Variants in SFI1 observed in about 807,000 individuals in gnomAD.
SFI1 encodes the protein protein SFI1 homolog.
A neutral mutation model predicts 207.5 loss-of-function variants in SFI1; 195 were observed. The observed-to-expected ratio is 0.94, with a 90% CI of 0.84 to 1.06. The LOEUF is 1.06. SFI1 is among the 50% of genes least tolerant of loss of function. SFI1 has a pLI of 0.00. For synonymous variants in SFI1, 630 were observed against 598.9 expected (o/e 1.05, Z -0.76); for missense variants, 1,634 against 1,588.0 (o/e 1.03, Z -0.49).
At chr22:31,598,529 C>A (rs575827606) in intron 15 of SFI1, among the ~76,000 whole-genome samples, 2 of 151,642 alleles carry the variant, frequency 1.3e-5, no homozygotes, top group South Asian at 4.2e-4. Context: ...ATGCCATTCT[C>A]CTGCCTCAGC....
chr22:31,611,436 G>C, intron 23 of SFI1, 133 bp downstream of exon 23: 1 of 1,203,718 alleles, frequency 8.3e-7, no homozygotes. Context: ...GGGTGGTTTG[G>C]GGTCCTGTAA....
At chr22:31,539,689 T>G (rs1297015484) in intron 4 of SFI1, among the ~76,000 whole-genome samples, 1 of 152,106 alleles carries the variant, frequency 6.6e-6, no homozygotes, top group Non-Finnish European at 1.5e-5. Flanking sequence ...CTGTTTATAT[T>G]TAAGAGCAGG....
rs182139730 is a variant in SFI1, at chr22:31,513,488, C to T, written c.92+5112C>T. On this transcript the variant is annotated intron_variant, in intron 2 of 32. Coordinates refer to ENST00000400288, the MANE Select transcript of SFI1 (RefSeq NM_001007467.3). ...GTGATGAGAAGATTTGAGATTTACTCTCTTAGGGATACTGAAATATATAGT... is the reference window on the plus strand; with the variant it reads ...GTGATGAGAAGATTTGAGATTTACTTTCTTAGGGATACTGAAATATATAGT... Among the ~76,000 whole-genome samples the T allele has an allele frequency of 5.9e-5, 9 of 152,164 alleles. 1 individual carries two copies. The highest frequency in any genetic ancestry group is 5.9e-4 in the Admixed American group (9 of 15,268).
intron 4 of SFI1, among the ~76,000 whole-genome samples, chr22:31,536,917 C>CT (rs566439554): frequency 0.014 from 2,047 of 149,418 alleles, 19 homozygotes; most frequent in Middle Eastern, 0.052. Context: ...TTAAAATTAA[C>CT]TTTTTTTTTA....
chr22:31,616,674 G>C, intron 29 of SFI1, 71 bp from the exon 30 acceptor site: 1 of 1,480,696 alleles, frequency 6.8e-7, no homozygotes, highest in East Asian at 2.4e-5. Context: ...GCAGTGACAA[G>C]GACTTGGTGT....
chr22:31,518,457 A>ATT (rs1823243215), intron 2 of SFI1, among the ~76,000 whole-genome samples: 1 of 152,166 alleles, frequency 6.6e-6, no homozygotes, highest in Non-Finnish European at 1.5e-5. Flanking sequence ...ATAAATATAT[A>ATT]TAACTATTTT....
chr22:31,607,084 A>G (rs1355853763), intron 21 of SFI1, among the ~76,000 whole-genome samples: 1 of 151,886 alleles, frequency 6.6e-6, no homozygotes, highest in African/African-American at 2.4e-5. Flanking sequence ...GAAAAGAAAA[A>G]ATACCCGAAG....
chr22:31,536,931 T>C (rs928895351), intron 4 of SFI1, among the ~76,000 whole-genome samples: 1 of 151,980 alleles, frequency 6.6e-6, no homozygotes. Flanking sequence ...TTTTTTACCT[T>C]TAGAGACAGG....
rs533928252 is a variant in SFI1, at chr22:31,581,389, A to G, written c.1248+1025A>G. 2.0e-5 allele frequency among the ~76,000 whole-genome samples: 3 copies of G among 151,966 alleles called. No individual in the cohort carries two copies. The South Asian group carries it at 6.3e-4, about 32-fold the overall frequency. ...CTGCAACCTCCACCTCCCAAGTTCA[A>G]GCGATTCTCATGTCTCAGCCTCCCA... On this transcript the variant is annotated intron_variant, in intron 12 of 32. Transcript: ENST00000400288.
intron 2 of SFI1, chr22:31,521,713 T>C (rs1175974187): frequency 1.3e-5 from 2 of 152,168 alleles, no homozygotes; most frequent in Non-Finnish European, 2.9e-5. Context: ...TTATGTTTTG[T>C]GTGTGTGTGG....
At position 31,575,317 on chromosome 22, in the gene SFI1, T is replaced by A; in HGVS notation, c.1009T>A (p.Tyr337Asn). ...GGCCTGGGAGCGGAGGGAGAGCTTG[T>A]ACGCTCACCATGCCCAGGTGGAGAA... ...QQAWERRESL[Y>N]AHHAQVEKLA... The change falls in exon 10 of 33, where the codon TAC (tyrosine) becomes AAC (asparagine). Residue 337 changes from tyrosine (Y) to asparagine (N), a missense_variant. Transcript: ENST00000400288. 1.2e-6 allele frequency: 2 copies of A among 1,613,412 alleles called. No individual in the cohort carries two copies. Among genetic ancestry groups the A allele is most frequent in the Non-Finnish European group, 8.5e-7 (1 of 1,179,744 alleles).
intron 13 of SFI1, among the ~76,000 whole-genome samples, 191 bp downstream of exon 13, chr22:31,584,163 G>A (rs1487877297): frequency 6.6e-6 from 1 of 152,192 alleles, no homozygotes; most frequent in Non-Finnish European, 1.5e-5. Context: ...GAGATAGAAT[G>A]AGCATATTTG....
Position 31,508,213 on chromosome 22 carries a change from T to A in SFI1, c.-30-42T>A, listed in dbSNP as rs1295406284. The A allele has an allele frequency of 3.4e-6, 4 of 1,191,948 alleles. No homozygotes were observed. In the East Asian group the frequency reaches 9.4e-5, roughly 28 times the overall value. 73.8% of individuals were successfully genotyped at this position (1,191,948 alleles called of 1,614,324 possible). On this transcript the variant is annotated intron_variant, in intron 1 of 32. Transcript: ENST00000400288. ...TTCAGAAATGTGGCTCCTGAGAGGCTGCAAATCATTTTCTCTCTTTTTTAT... is the reference window on the plus strand; with the variant it reads ...TTCAGAAATGTGGCTCCTGAGAGGCAGCAAATCATTTTCTCTCTTTTTTAT...
intron 2 of SFI1, among the ~76,000 whole-genome samples, chr22:31,522,955 T>G (rs2057454390): frequency 6.6e-6 from 1 of 152,110 alleles, no homozygotes; most frequent in Admixed American, 6.6e-5. Flanking sequence ...CACCCGGCCT[T>G]ATTCCTTTTT....
At chr22:31,616,008 A>G (rs1393975730) in intron 29 of SFI1, 3 of 152,188 alleles carry the variant, frequency 2.0e-5, no homozygotes, top group Non-Finnish European at 4.4e-5. Flanking sequence ...ATTGAGAAGA[A>G]TCTTCAGCAC....
At chr22:31,607,276 A>T (rs2069193509) in intron 21 of SFI1, among the ~76,000 whole-genome samples, 1 of 152,114 alleles carries the variant, frequency 6.6e-6, no homozygotes, top group African/African-American at 2.4e-5. Context: ...CATACAAAAG[A>T]ATGTATACGA....
chr22:31,498,018 G>C (rs1225067568), intron 1 of SFI1, among the ~76,000 whole-genome samples: 1 of 152,192 alleles, frequency 6.6e-6, no homozygotes, highest in Non-Finnish European at 1.5e-5. Flanking sequence ...TTGTGGGCTG[G>C]GCATGGTGGC....
intron 31 of SFI1, 72 bp downstream of exon 31, chr22:31,617,150 T>C: frequency 1.3e-6 from 2 of 1,541,590 alleles, no homozygotes; most frequent in Middle Eastern, 1.9e-4. Flanking sequence ...GGCAGGCAGT[T>C]CCATTTCCCC....
chr22:31,518,609 T>C (rs2056831766), intron 2 of SFI1, among the ~76,000 whole-genome samples: 1 of 152,204 alleles, frequency 6.6e-6, no homozygotes, highest in South Asian at 2.1e-4. Flanking sequence ...CTGTTATGTT[T>C]GTCGTCCCTT....
Sources: allele counts gnomAD v4.1 joint callset (sites outside exome capture counted in the v4.1 genomes callset), GRCh38; gene constraint gnomAD v4.1.1; transcripts MANE v1.5; gene names NCBI Gene and HGNC (gene_info 2026-07-23, HGNC 2026-07-21).